CYP4Z1: variants seen among roughly 807,000 people sequenced by gnomAD.
CYP4Z1 encodes cytochrome P450 4Z1.
CYP4Z1 carries 41 observed loss-of-function variants against 54.2 expected under a neutral mutation model. The observed-to-expected ratio is 0.76, with a 90% CI of 0.59 to 0.98. The LOEUF (loss-of-function observed/expected upper bound fraction) is 0.98, where lower values mean the gene tolerates loss of function less well. Ranked by LOEUF, CYP4Z1 falls within the 50% of genes least tolerant of loss-of-function variation. The probability of loss-of-function intolerance (pLI) is 0.00; values close to 1 mark genes in which losing one functional copy is unlikely to be tolerated. For synonymous variants in CYP4Z1, 163 were observed against 206.2 expected, an observed-to-expected ratio of 0.79 and a Z score of 1.79; for missense variants, 513 against 599.0, an observed-to-expected ratio of 0.86 and a Z score of 1.50.
chr1:47,079,510 G>T (rs867554642), intron 2 of CYP4Z1, among the ~76,000 whole-genome samples: 12 of 152,284 alleles, frequency 7.9e-5, no homozygotes, highest in Admixed American at 3.9e-4. Context: ...GAGTAGAAAG[G>T]CTCACACTTA....
intron 4 of CYP4Z1, among the ~76,000 whole-genome samples, chr1:47,083,649 TA>T: frequency 6.6e-6 from 1 of 152,236 alleles, no homozygotes; most frequent in South Asian, 2.1e-4. Flanking sequence ...TACATGATCA[TA>T]AGGCAGATTA....
At chr1:47,099,763 AGCTGCT>A (rs1644706617) in intron 8 of CYP4Z1, among the ~76,000 whole-genome samples, 1 of 152,174 alleles carries the variant, frequency 6.6e-6, no homozygotes, top group African/African-American at 2.4e-5. Context: ...ATTAACCTTG[AGCTGCT>A]GGGTATTTCA....
At chr1:47,086,998 G>A (rs1046149368) in intron 6 of CYP4Z1, among the ~76,000 whole-genome samples, 7 of 152,260 alleles carry the variant, frequency 4.6e-5, no homozygotes, top group African/African-American at 1.7e-4. Context: ...AATATCAGAT[G>A]GGTGTACATG....
chr1:47,114,114 C>G (rs1234576409), intron 9 of CYP4Z1, among the ~76,000 whole-genome samples: 1 of 152,044 alleles, frequency 6.6e-6, no homozygotes, highest in African/African-American at 2.4e-5. Flanking sequence ...ATCAATGGAA[C>G]AGAACAGAGC....
chr1:47,110,668 A>G (rs977554303), intron 9 of CYP4Z1, among the ~76,000 whole-genome samples: 5 of 152,190 alleles, frequency 3.3e-5, no homozygotes, highest in African/African-American at 1.2e-4. Context: ...TTCAATGGGC[A>G]GTCTGTTCTG....
the CYP4Z1 span, among the ~76,000 whole-genome samples, chr1:47,055,606 T>G: frequency 6.6e-6 from 1 of 152,342 alleles, no homozygotes; most frequent in Non-Finnish European, 1.5e-5. Flanking sequence ...AGCCTGTTAC[T>G]GGTCTATTCA....
intron 9 of CYP4Z1, among the ~76,000 whole-genome samples, chr1:47,107,142 C>T (rs1174041672): frequency 1.3e-5 from 2 of 152,192 alleles, no homozygotes; most frequent in Non-Finnish European, 2.9e-5. Context: ...TTACTAGGGA[C>T]TAAGCATTGT....
chr1:47,074,172 A>G (rs1399826016), intron 2 of CYP4Z1, among the ~76,000 whole-genome samples: 2 of 151,970 alleles, frequency 1.3e-5, no homozygotes, highest in Non-Finnish European at 2.9e-5. Flanking sequence ...ATTTTAGATT[A>G]AGAGGTACAT....
At chr1:47,098,785 C>T (rs1180774295) in intron 7 of CYP4Z1, among the ~76,000 whole-genome samples, 1 of 152,108 alleles carries the variant, frequency 6.6e-6, no homozygotes, top group Non-Finnish European at 1.5e-5. Flanking sequence ...TGGTATTAAA[C>T]ATTCTTGTAC....
the CYP4Z1 span, among the ~76,000 whole-genome samples, chr1:47,057,550 G>A: frequency 1.5e-5 from 2 of 129,740 alleles, no homozygotes; most frequent in African/African-American, 5.8e-5. Context: ...TGCCTTTAAA[G>A]TCACTGAATT....
chr1:47,111,982 A>T (rs191069644), intron 9 of CYP4Z1, among the ~76,000 whole-genome samples: 1,531 of 152,352 alleles, frequency 0.01, 21 homozygotes, highest in Admixed American at 0.042. Context: ...GAGAAGCTAT[A>T]ATAGTAAATG....
the CYP4Z1 span, among the ~76,000 whole-genome samples, chr1:47,060,971 G>T: frequency 6.6e-6 from 1 of 152,168 alleles, no homozygotes; most frequent in African/African-American, 2.4e-5. Context: ...AAACAATGAA[G>T]TTAAGGAAGA....
chr1:47,113,478 T>A (rs1267007166), intron 9 of CYP4Z1, among the ~76,000 whole-genome samples: 2 of 152,202 alleles, frequency 1.3e-5, no homozygotes, highest in African/African-American at 4.8e-5. Context: ...CTAGAGTAGA[T>A]CTCACTGATC....
intron 9 of CYP4Z1, among the ~76,000 whole-genome samples, chr1:47,108,733 G>T (rs1248023010): frequency 3.9e-5 from 6 of 152,142 alleles, no homozygotes; most frequent in African/African-American, 1.4e-4. Flanking sequence ...ACTATGATGT[G>T]CAAAATGTCC....
chr1:47,092,012 T>C (rs1014279625), intron 6 of CYP4Z1, among the ~76,000 whole-genome samples: 1 of 152,028 alleles, frequency 6.6e-6, no homozygotes, highest in Admixed American at 6.6e-5. Flanking sequence ...TAATAGCAGT[T>C]TGAGCCACTG....
intron 9 of CYP4Z1, among the ~76,000 whole-genome samples, chr1:47,110,419 C>T (rs935871268): frequency 5.6e-5 from 8 of 141,672 alleles, no homozygotes; most frequent in Admixed American, 2.1e-4. Flanking sequence ...CATCTGAGGA[C>T]ACTGGCATGT....
At chr1:47,105,929 G>A (rs2016160) in intron 8 of CYP4Z1, among the ~76,000 whole-genome samples, 199 bp from the exon 9 acceptor site, 65,440 of 151,658 alleles carry the variant, frequency 0.43, 15,411 homozygotes, top group East Asian at 0.96. Flanking sequence ...GGGGGGGGGA[G>A]AATCACTTAC....
Position 47,067,574 on chromosome 1 carries a change from G to A in CYP4Z1, c.84G>A (p.Gln28=). The change falls in exon 1 of 12, where the codon CAG becomes CAA. Residue 28 remains glutamine (Q), a synonymous_variant. Coordinates refer to ENST00000334194, the MANE Select transcript of CYP4Z1 (RefSeq NM_178134.3). ...TCTGCATGTCTCTGCTGCTGTTTCA[G>A]GTAATCAGGTTGTACCAGAGGAGGA... is the stretch of plus-strand genomic sequence containing the variant. ...ILLCMSLLLF[Q]VIRLYQRRRW... is the part of the protein sequence containing the mutation. The A allele has an allele frequency of 6.2e-7, 1 of 1,613,702 alleles. No homozygotes were observed. The highest frequency in any genetic ancestry group is 8.5e-7 in the Non-Finnish European group (1 of 1,179,822).
chr1:47,089,186 T>C (rs932263569), intron 6 of CYP4Z1, among the ~76,000 whole-genome samples: 38 of 152,144 alleles, frequency 2.5e-4, no homozygotes, highest in African/African-American at 7.5e-4. Flanking sequence ...AATTACAACA[T>C]GTAGTCTTTA....
Sources: gnomAD v4.1 joint callset for allele counts (sites outside exome capture counted in the v4.1 genomes callset) on GRCh38, gnomAD v4.1.1 for gene constraint, MANE v1.5 for transcripts, NCBI Gene and HGNC (gene_info 2026-07-23, HGNC 2026-07-21) for gene names.